The following AP3B1 variants were observed in gnomAD, a reference collection of about 807,000 sequenced individuals.
AP3B1 encodes adaptor related protein complex 3 subunit beta 1, also known as AP-3 complex subunit beta-1.
In AP3B1, 61 loss-of-function variants were observed where a neutral mutation model predicts 132.5. The observed-to-expected ratio is 0.46, with a 90% CI of 0.37 to 0.57. AP3B1 has a LOEUF of 0.57. AP3B1 is among the 20% of genes least tolerant of loss of function. AP3B1 has a pLI of 0.00. For missense variants in AP3B1, 1,120 were observed against 1,289.4 expected (o/e 0.87, Z 2.01); for synonymous variants, 388 against 438.3 (o/e 0.89, Z 1.43).
intron 3 of AP3B1, among the ~76,000 whole-genome samples, chr5:78,233,617 TGC>T (rs1043538948): frequency 3.1e-4 from 47 of 152,226 alleles, no homozygotes; most frequent in Admixed American, 1.8e-3. Context: ...AAAGGAAAAC[TGC>T]CTGCGACAGC....
intron 22 of AP3B1, among the ~76,000 whole-genome samples, chr5:78,059,150 G>T (rs1426266177): frequency 1.3e-5 from 2 of 152,246 alleles, no homozygotes; most frequent in African/African-American, 4.8e-5. Context: ...GAATGAGAGA[G>T]GCAGGAGATT....
At chr5:78,025,369 C>A (rs1024372469) in intron 24 of AP3B1, among the ~76,000 whole-genome samples, 2 of 152,262 alleles carry the variant, frequency 1.3e-5, no homozygotes, top group East Asian at 3.9e-4. Flanking sequence ...GAATGTCTAG[C>A]TGCTTGCAGG....
intron 2 of AP3B1, among the ~76,000 whole-genome samples, chr5:78,244,435 A>G (rs1467863330): frequency 6.6e-6 from 1 of 152,104 alleles, no homozygotes; most frequent in African/African-American, 2.4e-5. Flanking sequence ...AAAAAGAAGA[A>G]GGACTACAAA....
intron 22 of AP3B1, among the ~76,000 whole-genome samples, chr5:78,068,081 T>C (rs950299613): frequency 6.6e-6 from 1 of 152,010 alleles, no homozygotes; most frequent in African/African-American, 2.4e-5. Context: ...TCCCAGCACT[T>C]TGGGAGGCCA....
chr5:78,061,616 C>G (rs1749058910), intron 22 of AP3B1, among the ~76,000 whole-genome samples: 1 of 152,198 alleles, frequency 6.6e-6, no homozygotes, highest in Non-Finnish European at 1.5e-5. Context: ...TGCCACAACA[C>G]AATTTCTTAA....
chr5:78,039,777 C>CAAAAAAAAAA (rs1253462843), intron 22 of AP3B1, among the ~76,000 whole-genome samples: 3 of 71,180 alleles, frequency 4.2e-5, no homozygotes, highest in African/African-American at 1.1e-4. Context: ...GACTCCGTCT[C>CAAAAAAAAAA]AAAAAAAAAA....
chr5:78,216,854 A>G (rs958701682), intron 6 of AP3B1, among the ~76,000 whole-genome samples: 5 of 152,282 alleles, frequency 3.3e-5, no homozygotes, highest in Middle Eastern at 3.4e-3. Flanking sequence ...AACAATGTGT[A>G]TAAGTTGGAA....
chr5:78,213,528 C>T (rs574571303), intron 7 of AP3B1, among the ~76,000 whole-genome samples: 1 of 152,244 alleles, frequency 6.6e-6, no homozygotes, highest in Middle Eastern at 3.4e-3. Flanking sequence ...AACATATGTA[C>T]GTATGTAGAC....
intron 1 of AP3B1, among the ~76,000 whole-genome samples, chr5:78,272,819 A>T (rs2112569783): frequency 6.6e-6 from 1 of 152,250 alleles, no homozygotes; most frequent in Middle Eastern, 3.4e-3. Flanking sequence ...AATAACTCTA[A>T]AAGTTTTTGG....
chr5:78,292,643 T>C (rs56102400), intron 1 of AP3B1, among the ~76,000 whole-genome samples: 1 of 151,926 alleles, frequency 6.6e-6, no homozygotes, highest in Non-Finnish European at 1.5e-5. Flanking sequence ...TTAGGAAAAC[T>C]GAATGAGATA....
chr5:78,134,149 C>CAAAAAAAAAAAAAAAAAAAAAAAA (rs397961933), intron 15 of AP3B1, among the ~76,000 whole-genome samples: 11 of 74,194 alleles, frequency 1.5e-4, no homozygotes, highest in African/African-American at 4.9e-4. Flanking sequence ...AGACTCGCCT[C>CAAAAAAAAAAAAAAAAAAAAAAAA]AAAAAAAAAA....
intron 18 of AP3B1, among the ~76,000 whole-genome samples, chr5:78,114,537 G>A (rs781549447): frequency 6.6e-6 from 1 of 152,150 alleles, no homozygotes; most frequent in Non-Finnish European, 1.5e-5. Context: ...AATGTTTTAT[G>A]TGTAAATTAT....
intron 22 of AP3B1, among the ~76,000 whole-genome samples, chr5:78,050,246 T>G (rs554010796): frequency 3.9e-5 from 6 of 152,184 alleles, no homozygotes; most frequent in Non-Finnish European, 7.4e-5. Context: ...TTTCCTTTTT[T>G]ATAGACACTT....
chr5:78,194,130 A>G (rs1457930379), intron 7 of AP3B1, among the ~76,000 whole-genome samples: 1 of 152,128 alleles, frequency 6.6e-6, no homozygotes, highest in Non-Finnish European at 1.5e-5. Context: ...TATGAATTTG[A>G]AACAAAGTAG....
chr5:78,184,430 G>GT, intron 7 of AP3B1, among the ~76,000 whole-genome samples: 1 of 152,166 alleles, frequency 6.6e-6, no homozygotes, highest in Non-Finnish European at 1.5e-5. Context: ...GCTCATGCCT[G>GT]TAATCCCAGC....
At chr5:78,209,531 G>A (rs1745648018) in intron 7 of AP3B1, among the ~76,000 whole-genome samples, 1 of 152,104 alleles carries the variant, frequency 6.6e-6, no homozygotes, top group South Asian at 2.1e-4. Flanking sequence ...TGCCTTTCCA[G>A]ATTGAACCAA....
chr5:78,018,022 T>C (rs1223030593), intron 25 of AP3B1, among the ~76,000 whole-genome samples: 1 of 152,028 alleles, frequency 6.6e-6, no homozygotes, highest in African/African-American at 2.4e-5. Context: ...AAAAAAATTC[T>C]AAGTTTTACA....
At chr5:78,028,522 C>G (rs1009901683) in intron 24 of AP3B1, among the ~76,000 whole-genome samples, 10 of 151,996 alleles carry the variant, frequency 6.6e-5, no homozygotes, top group South Asian at 4.1e-4. Flanking sequence ...ACTTGCCTTT[C>G]TGTATTGGCT....
At chr5:78,096,135 C>G (rs532239246) in intron 21 of AP3B1, among the ~76,000 whole-genome samples, 6 of 152,164 alleles carry the variant, frequency 3.9e-5, no homozygotes, top group South Asian at 2.1e-4. Context: ...CTCAGCCTGC[C>G]GAGTGCCTGC....
Sources: gnomAD v4.1 joint callset for allele counts (sites outside exome capture counted in the v4.1 genomes callset) on GRCh38, gnomAD v4.1.1 for gene constraint, MANE v1.5 for transcripts, NCBI Gene and HGNC (gene_info 2026-07-23, HGNC 2026-07-21) for gene names.